Variants in SGCZ observed in about 807,000 individuals in gnomAD.
The protein encoded by SGCZ is sarcoglycan zeta.
SGCZ carries 40 observed loss-of-function variants against 41.3 expected under a neutral mutation model. The observed-to-expected ratio is 0.97, with a 90% CI of 0.75 to 1.26. SGCZ has a LOEUF of 1.26. SGCZ is among the 50% of genes most tolerant of loss of function. The pLI is 0.00. For synonymous variants in SGCZ, 206 were observed against 137.5 expected (o/e 1.50, Z -3.49); for missense variants, 552 against 369.8 (o/e 1.49, Z -4.04).
chr8:14,241,220 G>C (rs963308730), intron 3 of SGCZ, among the ~76,000 whole-genome samples: 1 of 151,826 alleles, frequency 6.6e-6, no homozygotes. Context: ...AATTTTGAAA[G>C]CGAATATGTG....
intron 2 of SGCZ, among the ~76,000 whole-genome samples, chr8:14,450,724 C>G (rs1800568351): frequency 6.6e-6 from 1 of 152,132 alleles, no homozygotes; most frequent in Non-Finnish European, 1.5e-5. Context: ...AAGTTTAAAG[C>G]TCTCATCTCT....
chr8:15,043,632 G>A (rs1804191447), intron 1 of SGCZ, among the ~76,000 whole-genome samples: 1 of 151,974 alleles, frequency 6.6e-6, no homozygotes, highest in South Asian at 2.1e-4. Flanking sequence ...TTTAAAGTAT[G>A]TAACAATCTT....
intron 1 of SGCZ, among the ~76,000 whole-genome samples, chr8:14,941,913 G>A (rs900544603): frequency 1.3e-5 from 2 of 151,342 alleles, no homozygotes; most frequent in Non-Finnish European, 2.9e-5. Flanking sequence ...GTAGTTCGAA[G>A]GAAAAAGTTA....
intron 1 of SGCZ, among the ~76,000 whole-genome samples, chr8:15,124,620 G>C (rs1807609476): frequency 6.6e-6 from 1 of 152,142 alleles, no homozygotes; most frequent in African/African-American, 2.4e-5. Flanking sequence ...AAAAGCAATT[G>C]CCAAAATATC....
intron 1 of SGCZ, among the ~76,000 whole-genome samples, chr8:14,896,807 C>T (rs942466331): frequency 1.3e-5 from 2 of 149,242 alleles, no homozygotes; most frequent in Non-Finnish European, 3.0e-5. Context: ...GACACAGAGT[C>T]TTGCTCTGTC....
intron 1 of SGCZ, among the ~76,000 whole-genome samples, chr8:14,776,624 G>T (rs1468839902): frequency 1.4e-5 from 2 of 147,692 alleles, no homozygotes; most frequent in African/African-American, 5.0e-5. Flanking sequence ...CTCCCGAGTA[G>T]CTGGGACTAC....
chr8:14,723,168 A>G (rs1809944320), intron 1 of SGCZ, among the ~76,000 whole-genome samples: 1 of 152,248 alleles, frequency 6.6e-6, no homozygotes, highest in Admixed American at 6.5e-5. Context: ...TCCCATGGAA[A>G]GAAACAGGGA....
intron 2 of SGCZ, among the ~76,000 whole-genome samples, chr8:14,369,718 A>G (rs574623587): frequency 9.9e-5 from 15 of 151,964 alleles, no homozygotes; most frequent in Non-Finnish European, 1.5e-4. Flanking sequence ...TTTTTCTAAC[A>G]CCATTTTTTC....
At chr8:14,889,101 T>G (rs1384601916) in intron 1 of SGCZ, among the ~76,000 whole-genome samples, 2 of 152,190 alleles carry the variant, frequency 1.3e-5, no homozygotes, top group African/African-American at 4.8e-5. Flanking sequence ...ACTCCTGGAA[T>G]CTAACATATA....
At chr8:15,154,946 T>C (rs1032913208) in intron 1 of SGCZ, among the ~76,000 whole-genome samples, 1 of 152,144 alleles carries the variant, frequency 6.6e-6, no homozygotes, top group Non-Finnish European at 1.5e-5. Flanking sequence ...CAATATATTG[T>C]ATAATTTCAA....
intron 1 of SGCZ, among the ~76,000 whole-genome samples, chr8:15,159,740 A>T (rs994483389): frequency 3.4e-4 from 2 of 5,870 alleles, no homozygotes; most frequent in Non-Finnish European, 6.7e-4. Context: ...CGCCCCCCCC[A>T]CCCTCCCCCC....
chr8:14,642,534 CA>C (rs1311648592), intron 1 of SGCZ, among the ~76,000 whole-genome samples: 2 of 151,364 alleles, frequency 1.3e-5, no homozygotes, highest in African/African-American at 4.8e-5. Context: ...CTTCTTCTAA[CA>C]GCTTAGTTTA....
chr8:14,105,680 T>C (rs1802181815), intron 6 of SGCZ, among the ~76,000 whole-genome samples: 1 of 152,110 alleles, frequency 6.6e-6, no homozygotes, highest in African/African-American at 2.4e-5. Flanking sequence ...AACCAGCTGA[T>C]AAATCCAGCT....
intron 2 of SGCZ, among the ~76,000 whole-genome samples, chr8:14,507,744 TTTTG>T (rs147757827): frequency 0.016 from 2,338 of 148,808 alleles, 55 homozygotes; most frequent in African/African-American, 0.054. Flanking sequence ...ACATTGCTGT[TTTTG>T]TTTGTTTGTT....
intron 1 of SGCZ, among the ~76,000 whole-genome samples, chr8:15,026,265 T>A (rs1803454371): frequency 1.3e-5 from 2 of 152,156 alleles, no homozygotes; most frequent in Admixed American, 6.5e-5. Flanking sequence ...TCAATCTACT[T>A]CCTGAAAGAA....
intron 1 of SGCZ, among the ~76,000 whole-genome samples, chr8:14,728,104 A>G (rs909128314): frequency 1.8e-4 from 27 of 152,200 alleles, no homozygotes; most frequent in African/African-American, 6.5e-4. Flanking sequence ...GTGTCCAGAA[A>G]GAAGCAAGAT....
At chr8:14,790,676 G>T (rs1430462049) in intron 1 of SGCZ, among the ~76,000 whole-genome samples, 1 of 152,126 alleles carries the variant, frequency 6.6e-6, no homozygotes, top group Non-Finnish European at 1.5e-5. Flanking sequence ...CAAACTGGAA[G>T]AATAATTGAA....
intron 1 of SGCZ, among the ~76,000 whole-genome samples, chr8:14,572,815 A>G (rs1184343575): frequency 6.6e-6 from 1 of 152,210 alleles, no homozygotes; most frequent in Non-Finnish European, 1.5e-5. Context: ...AAAGTCCCAC[A>G]AATGAATAGA....
chr8:14,647,546 A>G (rs1331853559), intron 1 of SGCZ, among the ~76,000 whole-genome samples: 1 of 151,994 alleles, frequency 6.6e-6, no homozygotes, highest in African/African-American at 2.4e-5. Context: ...TCTCTCCGCA[A>G]TGGTACGAGC....
Sources: allele counts gnomAD v4.1 joint callset (sites outside exome capture counted in the v4.1 genomes callset), GRCh38; gene constraint gnomAD v4.1.1; transcripts MANE v1.5; gene names NCBI Gene and HGNC (gene_info 2026-07-23, HGNC 2026-07-21).